TSHZ2: variants seen among roughly 807,000 people sequenced by gnomAD.
The protein encoded by TSHZ2 is teashirt homolog 2.
TSHZ2 carries 21 observed loss-of-function variants against 74.4 expected under a neutral mutation model. The observed-to-expected ratio is 0.28, with a 90% confidence interval of 0.20 to 0.41. The LOEUF (loss-of-function observed/expected upper bound fraction) is 0.41. Ranked by LOEUF, TSHZ2 falls within the 10% of genes least tolerant of loss-of-function variation. The pLI is 1.00. For synonymous variants in TSHZ2, 540 were observed against 515.3 expected (o/e 1.05, Z -0.65); for missense variants, 1,244 against 1,293.5 (o/e 0.96, Z 0.59).
chr20:53,229,431 CTG>C (rs1989766796), intron 1 of TSHZ2, among the ~76,000 whole-genome samples: 2 of 152,182 alleles, frequency 1.3e-5, no homozygotes, highest in South Asian at 4.1e-4. Flanking sequence ...TCTGTCATAA[CTG>C]TTTCAAAGAC....
intron 1 of TSHZ2, among the ~76,000 whole-genome samples, chr20:53,099,097 C>A (rs2123286230): frequency 6.6e-6 from 1 of 152,276 alleles, no homozygotes; most frequent in Middle Eastern, 3.4e-3. Context: ...CCTCCCCCAC[C>A]ACCTCCCAGC....
intron 1 of TSHZ2, among the ~76,000 whole-genome samples, chr20:53,070,566 G>A (rs977149552): frequency 7.2e-5 from 11 of 152,262 alleles, no homozygotes; most frequent in Admixed American, 2.0e-4. Flanking sequence ...AGGCCTCTGC[G>A]AAAAGAGTAA....
intron 1 of TSHZ2, among the ~76,000 whole-genome samples, chr20:52,994,624 C>T (rs904952041): frequency 1.3e-5 from 2 of 152,204 alleles, no homozygotes; most frequent in Admixed American, 1.3e-4. Flanking sequence ...CTTGATTTCC[C>T]TTCAGACGAA....
At chr20:53,093,371 T>C (rs1188232227) in intron 1 of TSHZ2, among the ~76,000 whole-genome samples, 1 of 152,228 alleles carries the variant, frequency 6.6e-6, no homozygotes, top group Non-Finnish European at 1.5e-5. Flanking sequence ...AACCTTAACA[T>C]GGAAATTGAC....
intron 2 of TSHZ2, among the ~76,000 whole-genome samples, chr20:53,362,166 CTCTT>C (rs1471094134): frequency 1.4e-5 from 2 of 147,496 alleles, no homozygotes; most frequent in African/African-American, 2.5e-5. Flanking sequence ...CGTGCCCAGC[CTCTT>C]CACACAGTTT....
chr20:53,001,660 G>A (rs1982445583), intron 1 of TSHZ2, among the ~76,000 whole-genome samples: 1 of 152,068 alleles, frequency 6.6e-6, no homozygotes, highest in South Asian at 2.1e-4. Context: ...TTTTTCTTTT[G>A]CCCCAGACTA....
chr20:53,398,002 G>A, intron 2 of TSHZ2: 1 of 152,078 alleles, frequency 6.6e-6, no homozygotes, highest in East Asian at 1.9e-4. Flanking sequence ...AGGGGGAAGG[G>A]ATAGCATTAG....
intron 1 of TSHZ2, among the ~76,000 whole-genome samples, chr20:53,016,907 C>T (rs747780215): frequency 1.1e-4 from 17 of 152,222 alleles, no homozygotes; most frequent in Non-Finnish European, 2.2e-4. Context: ...ACCTTTTACT[C>T]GTGAGTTGCA....
At chr20:53,064,878 A>G (rs2123177022) in intron 1 of TSHZ2, among the ~76,000 whole-genome samples, 1 of 152,280 alleles carries the variant, frequency 6.6e-6, no homozygotes, top group African/African-American at 2.4e-5. Flanking sequence ...AGATGGTAAG[A>G]CTTCTAAAGT....
intron 2 of TSHZ2, among the ~76,000 whole-genome samples, chr20:53,403,172 C>T (rs1180669556): frequency 1.3e-5 from 2 of 152,294 alleles, no homozygotes; most frequent in Non-Finnish European, 2.9e-5. Context: ...TCCATTCCTT[C>T]ATTAATTCGC....
intron 1 of TSHZ2, among the ~76,000 whole-genome samples, chr20:53,010,232 G>A (rs1310079384): frequency 2.0e-5 from 3 of 152,144 alleles, no homozygotes; most frequent in African/African-American, 7.2e-5. Flanking sequence ...GGTTACACAC[G>A]TCGAAGTTTG....
chr20:53,146,674 A>T (rs1273152563), intron 1 of TSHZ2, among the ~76,000 whole-genome samples: 1 of 152,218 alleles, frequency 6.6e-6, no homozygotes, highest in Non-Finnish European at 1.5e-5. Context: ...TGAAGATGAC[A>T]CAGAAAAGTC....
At chr20:53,352,777 CAA>C (rs869247919) in intron 2 of TSHZ2, among the ~76,000 whole-genome samples, 17 of 65,608 alleles carry the variant, frequency 2.6e-4, no homozygotes, top group Admixed American at 3.3e-4. Context: ...CTGTCTCAAA[CAA>C]AAAAAAAAAA....
chr20:53,084,512 A>T (rs537119520), intron 1 of TSHZ2, among the ~76,000 whole-genome samples: 8 of 152,322 alleles, frequency 5.3e-5, no homozygotes, highest in Middle Eastern at 3.4e-3. Context: ...GTTAGTGAGG[A>T]GCATTCTGAT....
At chr20:53,037,546 G>T (rs1366510327) in intron 1 of TSHZ2, among the ~76,000 whole-genome samples, 1 of 152,124 alleles carries the variant, frequency 6.6e-6, no homozygotes, top group Non-Finnish European at 1.5e-5. Context: ...AAGTATTTCT[G>T]TATTTCCATC....
At chr20:53,486,155 T>C (rs1465584706) in intron 2 of TSHZ2, among the ~76,000 whole-genome samples, 4 of 152,220 alleles carry the variant, frequency 2.6e-5, no homozygotes, top group African/African-American at 7.2e-5. Context: ...ATAATATATT[T>C]CTTTTTGTGA....
In TSHZ2 at chr20:53,254,795, C is replaced by T; in HGVS notation, c.1337C>T (p.Ser446Phe). 1 of 1,613,350 alleles carries T rather than the reference C, an allele frequency of 6.2e-7. No homozygotes were observed. Among genetic ancestry groups the T allele is most frequent in the Non-Finnish European group, 8.5e-7 (1 of 1,179,620 alleles). ...AGTGATTCTCTGGCTCCCAAGCCAT[C>T]CAGTAACTCAGCATCAGATTGTACA... Reference protein sequence around the residue: ...PNSDSLAPKPSSNSASDCTAS... With the variant: ...PNSDSLAPKPFSNSASDCTAS... Residue 446 changes from serine (S) to phenylalanine (F), a missense_variant, in exon 2 of 3, where the codon TCC becomes TTC. Ser to Phe is a radical substitution (Grantham distance 155, BLOSUM62 -2). Coordinates refer to ENST00000371497, the MANE Select transcript of TSHZ2 (RefSeq NM_173485.6).
chr20:53,279,720 A>G (rs1173991232), intron 2 of TSHZ2, among the ~76,000 whole-genome samples: 1 of 152,244 alleles, frequency 6.6e-6, no homozygotes, highest in African/African-American at 2.4e-5. Flanking sequence ...TGGAGGAAAT[A>G]GACACAAAAT....
In TSHZ2 at chr20:53,383,124, G is replaced by T. The variant is rs11908254; in HGVS notation, c.*9-104020G>T. Among the ~76,000 whole-genome samples the T allele has an allele frequency of 1.8e-3, 269 of 152,092 alleles. 1 individual carries two copies. The highest frequency in any genetic ancestry group is 6.2e-3 in the African/African-American group (256 of 41,496). On this transcript the variant is annotated intron_variant, in intron 2 of 2. Transcript: ENST00000371497. ...AAAATACAAAAGAAATTAGCCGGGG[G>T]TGGCGGTGTGCACCTGTAGTCCCAG...
Sources: gnomAD v4.1 joint callset for allele counts (sites outside exome capture counted in the v4.1 genomes callset) on GRCh38, gnomAD v4.1.1 for gene constraint, MANE v1.5 for transcripts, NCBI Gene and HGNC (gene_info 2026-07-23, HGNC 2026-07-21) for gene names.